LRIG3: variants seen among roughly 807,000 people sequenced by gnomAD.
LRIG3 encodes the protein leucine rich repeats and immunoglobulin like domains 3.
Under a neutral mutation model 114.5 loss-of-function variants are expected in LRIG3, and 76 were observed. That is an observed-to-expected ratio of 0.66 (90% CI 0.55 to 0.80). The LOEUF (loss-of-function observed/expected upper bound fraction) is 0.80. Among genes scored for constraint, LRIG3 ranks in the 30% least tolerant of loss-of-function variants. The probability of loss-of-function intolerance (pLI) is 0.00; values close to 1 mark genes in which losing one functional copy is unlikely to be tolerated. For missense variants in LRIG3, 1,239 were observed against 1,382.8 expected, an observed-to-expected ratio of 0.90 and a Z score of 1.65; for synonymous variants, 512 against 519.8, an observed-to-expected ratio of 0.98 and a Z score of 0.20.
intron 15 of LRIG3, 51 bp from the exon 16 acceptor site, chr12:58,876,654 C>T: frequency 6.3e-7 from 1 of 1,594,230 alleles, no homozygotes; most frequent in Non-Finnish European, 8.6e-7. Flanking sequence ...GTTAATTGTC[C>T]CACAGGCATC....
chr12:58,893,258 C>T (rs1160396774), intron 3 of LRIG3, among the ~76,000 whole-genome samples: 3 of 152,184 alleles, frequency 2.0e-5, no homozygotes, highest in Admixed American at 2.0e-4. Flanking sequence ...TGTTAAAACT[C>T]TTCTGAACAG....
intron 3 of LRIG3, among the ~76,000 whole-genome samples, chr12:58,902,204 A>G (rs908448809): frequency 2.0e-5 from 3 of 152,174 alleles, no homozygotes; most frequent in African/African-American, 7.2e-5. Flanking sequence ...CCTCTATCCT[A>G]GGTCGATACT....
chr12:58,898,127 A>G (rs1470786182), intron 3 of LRIG3, among the ~76,000 whole-genome samples: 2 of 152,258 alleles, frequency 1.3e-5, no homozygotes, highest in Non-Finnish European at 1.5e-5. Context: ...GCTGCCAGCC[A>G]GAAAGCGTAA....
rs377010476 is a variant in LRIG3, at chr12:58,888,968, TTGAG to T, written c.660-10_660-7del. 2.7e-4 allele frequency: 432 copies of T among 1,612,454 alleles called. 3 individuals carry two copies. In the South Asian group the frequency reaches 4.5e-3, roughly 17 times the overall value. On this transcript the variant is annotated splice_region_variant and splice_polypyrimidine_tract_variant and intron_variant, in intron 5 of 18. Transcript: ENST00000320743. ...TCTTGTTTCGGTTCAATTCGCTGCA[TTGAG>T]TATTACAAGAGTTAGCTTATATGAC...
In LRIG3 at chr12:58,913,988, A is replaced by G; in HGVS notation, c.377T>C (p.Leu126Pro). 6.2e-7 allele frequency: 1 copy of G among 1,611,862 alleles called. No homozygotes were observed. Among genetic ancestry groups the G allele is most frequent in the Non-Finnish European group, 8.5e-7 (1 of 1,179,114 alleles). The change falls in exon 3 of 19, where the codon CTC (leucine) becomes CCC (proline). Residue 126 changes from leucine (L) to proline (P), a missense_variant. By Grantham distance (98) the Leu-to-Pro change is moderately conservative. Coordinates refer to ENST00000320743, the MANE Select transcript of LRIG3 (RefSeq NM_153377.5). ...TCTGCTGATATTCACTTACAAGGAG[A>G]GAAGTGTAATATTTGCCGAGACTGG... The part of the protein sequence containing the change: ...LGPVSANITL[L>P]SLAGNRIVEI...
At chr12:58,876,266 T>G (rs935958192) in intron 16 of LRIG3, among the ~76,000 whole-genome samples, 179 bp downstream of exon 16, 1 of 152,192 alleles carries the variant, frequency 6.6e-6, no homozygotes, top group Non-Finnish European at 1.5e-5. Flanking sequence ...AAAGATTTAT[T>G]TCTTTCCTAG....
In LRIG3 at chr12:58,890,027, T is replaced by A. The variant is rs757377433; in HGVS notation, c.628A>T (p.Lys210Ter). Residue 210 changes from lysine (K) to a stop codon, truncating the protein, a stop_gained, in exon 5 of 19, where the codon AAG (lysine) becomes TAG (stop). Transcript: ENST00000320743. LOFTEE classifies it high-confidence loss of function. ...TGCAGTTGGGGCAGTTTAAACATCT[T>A]GGGTGGGATAGCTGAGATTCGGTTC... The part of the protein sequence containing the change: ...NRNRISAIPP[K>*]MFKLPQLQHL... The A allele has an allele frequency of 6.2e-7, 1 of 1,613,818 alleles. No individual in the cohort carries two copies. The highest frequency in any genetic ancestry group is 8.5e-7 in the Non-Finnish European group (1 of 1,179,818).
chr12:58,879,893 C>A (rs1871061234), intron 13 of LRIG3, among the ~76,000 whole-genome samples: 1 of 152,164 alleles, frequency 6.6e-6, no homozygotes, highest in Non-Finnish European at 1.5e-5. Context: ...GAAAATCACG[C>A]AGGAGTGGCA....
intron 3 of LRIG3, among the ~76,000 whole-genome samples, chr12:58,904,218 C>A (rs1871977561): frequency 1.3e-5 from 2 of 152,074 alleles, no homozygotes; most frequent in African/African-American, 4.8e-5. Context: ...CAAACGAGGA[C>A]CCTGAACCTC....
intron 3 of LRIG3, among the ~76,000 whole-genome samples, chr12:58,893,459 C>G (rs1335923887): frequency 6.6e-6 from 1 of 152,212 alleles, no homozygotes; most frequent in Non-Finnish European, 1.5e-5. Flanking sequence ...TCAAGCCCTT[C>G]AGATTCTCAT....
At chr12:58,898,533 A>G (rs2120939004) in intron 3 of LRIG3, among the ~76,000 whole-genome samples, 1 of 151,976 alleles carries the variant, frequency 6.6e-6, no homozygotes, top group Middle Eastern at 3.4e-3. Flanking sequence ...TTGCTCCTTC[A>G]TTTTCCTGGG....
rs142965808 is a variant in LRIG3, at chr12:58,880,856, G to A, written c.1526C>T (p.Ser509Leu). 9.6e-5 allele frequency: 155 copies of A among 1,614,004 alleles called. No individual in the cohort carries two copies. In the African/African-American group the frequency reaches 1.1e-3, roughly 11 times the overall value. The change falls in exon 13 of 19, where the codon TCG (serine) becomes TTG (leucine). Residue 509 changes from serine (S) to leucine (L), a missense_variant. Transcript: ENST00000320743. ...ACTCAAATTGGAACCTTTTATTGCC[G>A]ACTGTGTTTCTGGCTGAACCGTGAT... is the stretch of plus-strand genomic sequence containing the variant. ...PQITVQPETQ[S>L]AIKGSNLSFI...
intron 10 of LRIG3, 77 bp from the exon 11 acceptor site, chr12:58,883,668 C>G (rs1379505153): frequency 3.0e-6 from 3 of 995,360 alleles, no homozygotes; most frequent in African/African-American, 3.2e-5. Context: ...TGGGCCCCCA[C>G]TGCCCACCCC....
In LRIG3 at chr12:58,876,600, T is replaced by C; in HGVS notation, c.2540A>G (p.Glu847Gly). The change falls in exon 16 of 19, where the codon GAG becomes GGG. Residue 847 changes from glutamate to glycine, a missense_variant. Coordinates refer to ENST00000320743, the MANE Select transcript of LRIG3 (RefSeq NM_153377.5). ...AGGAATATCTGCTGGCAAGTTGGTCTCATCTGTAATAAAACAGCAGCATTT... is the reference window on the plus strand; with the variant it reads ...AGGAATATCTGCTGGCAAGTTGGTCCCATCTGTAATAAAACAGCAGCATTT... ...NEDCSITNTD[E>G]TNLPADIPSY... 6.2e-7 allele frequency: 1 copy of C among 1,614,168 alleles called. No homozygotes were observed. The highest frequency in any genetic ancestry group is 8.5e-7 in the Non-Finnish European group (1 of 1,180,008).
chr12:58,903,561 T>G (rs1302530799), intron 3 of LRIG3, among the ~76,000 whole-genome samples: 3 of 152,032 alleles, frequency 2.0e-5, no homozygotes, highest in African/African-American at 7.2e-5. Flanking sequence ...CAGAAGCTCT[T>G]TAGTTTAATT....
chr12:58,901,546 T>C (rs1176213801), intron 3 of LRIG3, among the ~76,000 whole-genome samples: 2 of 152,120 alleles, frequency 1.3e-5, no homozygotes, highest in Admixed American at 1.3e-4. Flanking sequence ...TTCATGTGTC[T>C]AGTGGCTACC....
In LRIG3 at chr12:58,874,300, A is replaced by G. The variant is rs760209970; in HGVS notation, c.2870T>C (p.Met957Thr). The stretch of plus-strand genomic sequence containing the variant: ...TATGTAACTGGGCTCATAGTGGTCC[A>G]TTAAAACTGTTCTTGGGTCAGGACT... ...GCSPDPRTVL[M>T]DHYEPSYIKK... Residue 957 changes from methionine (M) to threonine (T), a missense_variant, in exon 18 of 19, where the codon ATG (methionine) becomes ACG (threonine). Coordinates refer to ENST00000320743, the MANE Select transcript of LRIG3 (RefSeq NM_153377.5). The G allele has an allele frequency of 6.2e-7, 1 of 1,612,982 alleles. No homozygotes were observed. The highest frequency in any genetic ancestry group is 1.1e-5 in the South Asian group (1 of 90,826).
Position 58,872,488 on chromosome 12 carries a change from T to C in LRIG3, c.*84A>G, listed in dbSNP as rs1870767710. ...TATCCTTTTAAAATTCATAACTCCA[T>C]TTAAAAAACATAAGATTCTCTCTCT... On this transcript the variant is annotated 3_prime_UTR_variant, in exon 19 of 19. Coordinates refer to ENST00000320743, the MANE Select transcript of LRIG3 (RefSeq NM_153377.5). 1.4e-6 allele frequency: 2 copies of C among 1,397,418 alleles called. No homozygotes were observed. The highest frequency in any genetic ancestry group is 1.9e-6 in the Non-Finnish European group (2 of 1,058,748). 86.6% of individuals were successfully genotyped at this position (1,397,418 alleles called of 1,614,324 possible).
chr12:58,884,234 G>C (rs1342405075), intron 10 of LRIG3, among the ~76,000 whole-genome samples: 5 of 152,150 alleles, frequency 3.3e-5, no homozygotes, highest in African/African-American at 1.2e-4. Context: ...CAATACTTCA[G>C]GCAGGAAATT....
Sources: allele counts gnomAD v4.1 joint callset (sites outside exome capture counted in the v4.1 genomes callset), GRCh38; gene constraint gnomAD v4.1.1; transcripts MANE v1.5; gene names NCBI Gene and HGNC (gene_info 2026-07-23, HGNC 2026-07-21).